The following PRKCZ variants were observed in gnomAD, a reference collection of about 807,000 sequenced individuals.
PRKCZ encodes the protein protein kinase C zeta, also known as protein kinase C zeta type.
In PRKCZ, 33 loss-of-function variants were observed where a neutral mutation model predicts 79.5. The observed-to-expected ratio is 0.41, with a 90% CI of 0.31 to 0.55. The LOEUF is 0.55. Ranked by LOEUF, PRKCZ falls within the 20% of genes least tolerant of loss-of-function variation. The pLI is 0.19. For synonymous variants in PRKCZ, 342 were observed against 320.9 expected (o/e 1.07, Z -0.70); for missense variants, 578 against 813.5 (o/e 0.71, Z 3.52).
intron 4 of PRKCZ, among the ~76,000 whole-genome samples, chr1:2,093,368 G>A (rs1665857031): frequency 1.3e-5 from 2 of 152,166 alleles, no homozygotes; most frequent in South Asian, 4.1e-4. Flanking sequence ...CCTGGGGCAG[G>A]TCAGACCGCC....
At chr1:2,102,546 A>G (rs1327668561) in intron 4 of PRKCZ, among the ~76,000 whole-genome samples, 2 of 151,816 alleles carry the variant, frequency 1.3e-5, no homozygotes, top group East Asian at 3.9e-4. Flanking sequence ...GTTAGCCGGG[A>G]TGGTCTCGAT....
At chr1:2,161,358 G>A (rs1033310328) in intron 10 of PRKCZ, among the ~76,000 whole-genome samples, 9 of 152,264 alleles carry the variant, frequency 5.9e-5, no homozygotes, top group Non-Finnish European at 1.5e-5. Context: ...TCAGGGGCCT[G>A]GCAGGAGCCA....
chr1:2,112,698 T>TTC (rs1669996830), intron 4 of PRKCZ, among the ~76,000 whole-genome samples: 2 of 151,706 alleles, frequency 1.3e-5, no homozygotes, highest in Admixed American at 1.3e-4. Flanking sequence ...TTGGTTTTTT[T>TTC]TTTTTTTGGA....
chr1:2,116,522 C>T (rs1281106853), intron 4 of PRKCZ, among the ~76,000 whole-genome samples: 1 of 152,098 alleles, frequency 6.6e-6, no homozygotes, highest in Non-Finnish European at 1.5e-5. Flanking sequence ...CTCCGCGGCT[C>T]GCCTTCCACT....
At chr1:2,147,779 C>T (rs1445556219) in intron 7 of PRKCZ, among the ~76,000 whole-genome samples, 2 of 148,636 alleles carry the variant, frequency 1.3e-5, no homozygotes, top group South Asian at 4.3e-4. Context: ...ATCTATCCAT[C>T]CATTGTCCAC....
chr1:2,160,238 C>CGTGTGTGT (rs56068331), intron 10 of PRKCZ, among the ~76,000 whole-genome samples: 15,460 of 146,392 alleles, frequency 0.11, 1,117 homozygotes, highest in African/African-American at 0.2. Context: ...CAGCAGTGTG[C>CGTGTGTGT]GTGTGTGTGT....
At chr1:2,114,447 G>T (rs78609670) in intron 4 of PRKCZ, among the ~76,000 whole-genome samples, 35,348 of 152,108 alleles carry the variant, frequency 0.23, 4,710 homozygotes, top group Admixed American at 0.33. Flanking sequence ...GCTCACAAAA[G>T]TTAAGCTTAC....
chr1:2,063,518 G>A (rs933845238), intron 4 of PRKCZ, among the ~76,000 whole-genome samples: 3 of 152,042 alleles, frequency 2.0e-5, no homozygotes, highest in Admixed American at 1.3e-4. Context: ...TCATCATGTT[G>A]CCCAGACTGG....
rs1270964017 is a variant in PRKCZ at position 2,165,404 on chromosome 1, A to G, written c.975-4114A>G. 1.3e-5 allele frequency among the ~76,000 whole-genome samples: 2 copies of G among 152,248 alleles called. No individual in the cohort carries two copies. Among genetic ancestry groups the G allele is most frequent in the East Asian group, 3.9e-4 (2 of 5,174 alleles). On this transcript the variant is annotated intron_variant, in intron 10 of 17. Coordinates refer to ENST00000378567, the MANE Select transcript of PRKCZ (RefSeq NM_002744.6). This position sits in a 1 kb window ranked among gnomAD's most constrained non-coding sequence, Gnocchi z 4.1. ...ACAAGCCAGGAGCTGTGTGAGCCGGAGAACGTCCCCTAACCTGTCTGTGCC... is the reference window on the plus strand; with the variant it reads ...ACAAGCCAGGAGCTGTGTGAGCCGGGGAACGTCCCCTAACCTGTCTGTGCC...
At chr1:2,184,372 G>A (rs1687215972) in intron 16 of PRKCZ, 2 of 520,808 alleles carry the variant, frequency 3.8e-6, no homozygotes, top group Non-Finnish European at 6.9e-6. Flanking sequence ...GGCCGACACT[G>A]GCATTTCTCA....
In PRKCZ at chr1:2,149,025, T is replaced by A. The variant is rs1215850957; in HGVS notation, c.687+101T>A. ...CGGAAATCTAGATGTGAAATAGACA[T>A]GGTCCGGGGTGTTGCTAACTAATCT... On this transcript the variant is annotated intron_variant, in intron 8 of 17. Transcript: ENST00000378567. The surrounding 1 kb of genome is among the most constrained non-coding windows in gnomAD (Gnocchi z 4.1). 1 of 1,304,052 alleles carries A rather than the reference T, an allele frequency of 7.7e-7. No individual in the cohort carries two copies. Among genetic ancestry groups the A allele is most frequent in the Non-Finnish European group, 1.1e-6 (1 of 912,960 alleles). 80.8% of individuals were successfully genotyped at this position (1,304,052 alleles called of 1,614,324 possible). A position where few individuals can be genotyped will look rare whatever the true frequency, so the allele number is the denominator to read the frequency against.
chr1:2,105,926 C>A (rs980206666), intron 4 of PRKCZ, among the ~76,000 whole-genome samples: 2 of 152,166 alleles, frequency 1.3e-5, no homozygotes, highest in Non-Finnish European at 2.9e-5. Flanking sequence ...GAGGCCCCAC[C>A]CCCCCACACA....
intron 4 of PRKCZ, chr1:2,071,262 T>C: frequency 2.7e-6 from 1 of 377,098 alleles, no homozygotes; most frequent in Non-Finnish European, 5.3e-6. Flanking sequence ...ACATAGTAAG[T>C]GCTTAGCAAG....
At chr1:2,175,180 C>T (rs1685198991) in intron 15 of PRKCZ, 44 bp from the exon 16 acceptor site, 1 of 1,567,148 alleles carries the variant, frequency 6.4e-7, no homozygotes, top group Non-Finnish European at 8.8e-7. Flanking sequence ...CATGGGGCTT[C>T]CGGGATGGGG....
intron 4 of PRKCZ, chr1:2,073,544 C>T: frequency 1.2e-6 from 1 of 855,434 alleles, no homozygotes; most frequent in Non-Finnish European, 1.4e-6. Flanking sequence ...AGTCCGAGCC[C>T]TGCCTGGGTC....
chr1:2,151,825 A>G (rs1442308411), intron 9 of PRKCZ, among the ~76,000 whole-genome samples: 1 of 151,450 alleles, frequency 6.6e-6, no homozygotes, highest in Admixed American at 6.6e-5. Context: ...CCAGCTGTAT[A>G]ATTTTTGTAT....
intron 4 of PRKCZ, among the ~76,000 whole-genome samples, chr1:2,081,602 C>CGG (rs1330584128): frequency 6.6e-6 from 1 of 152,096 alleles, no homozygotes; most frequent in Non-Finnish European, 1.5e-5. Flanking sequence ...TGGGTCGAGG[C>CGG]GGGGAGGGGA....
chr1:2,109,944 G>A (rs1669390265), intron 4 of PRKCZ, among the ~76,000 whole-genome samples: 1 of 152,226 alleles, frequency 6.6e-6, no homozygotes, highest in African/African-American at 2.4e-5. Flanking sequence ...CTGGGGTGTT[G>A]AGGGAGACGT....
chr1:2,160,089 C>T (rs996222413), intron 10 of PRKCZ, among the ~76,000 whole-genome samples: 5 of 152,198 alleles, frequency 3.3e-5, no homozygotes, highest in Admixed American at 2.6e-4. Flanking sequence ...CATTCATTCA[C>T]ACTCAATGTT....
Sources: gnomAD v4.1 joint callset for allele counts (sites outside exome capture counted in the v4.1 genomes callset) on GRCh38, gnomAD v4.1.1 for gene constraint, Gnocchi (gnomAD v3.1) non-coding constraint, MANE v1.5 for transcripts, NCBI Gene and HGNC (gene_info 2026-07-23, HGNC 2026-07-21) for gene names.